RANBP17: variants seen among roughly 807,000 people sequenced by gnomAD.
The protein encoded by RANBP17 is ran-binding protein 17.
RANBP17 carries 158 observed loss-of-function variants against 141.2 expected under a neutral mutation model. The ratio of observed to expected loss-of-function variants is 1.12; its 90% confidence interval spans 0.98 to 1.28. RANBP17 has a LOEUF of 1.28. RANBP17 is among the 50% of genes most tolerant of loss of function. The pLI is 0.00. For synonymous variants in RANBP17, 430 were observed against 450.0 expected (o/e 0.96, Z 0.56); for missense variants, 1,438 against 1,290.7 (o/e 1.11, Z -1.75).
intron 12 of RANBP17, among the ~76,000 whole-genome samples, chr5:170,931,724 T>C (rs1450870303): frequency 1.3e-5 from 2 of 152,128 alleles, no homozygotes; most frequent in African/African-American, 4.8e-5. Flanking sequence ...TGTAGATGTG[T>C]GGTGTTATTT....
chr5:171,061,905 A>G (rs975306013), intron 14 of RANBP17, among the ~76,000 whole-genome samples: 3 of 152,106 alleles, frequency 2.0e-5, no homozygotes, highest in African/African-American at 7.2e-5. Context: ...TCCCTTTACC[A>G]TTATGTAATG....
At chr5:171,198,674 T>C (rs1762120195) in intron 18 of RANBP17, among the ~76,000 whole-genome samples, 1 of 152,184 alleles carries the variant, frequency 6.6e-6, no homozygotes, top group African/African-American at 2.4e-5. Context: ...ATGTTGATGC[T>C]CCCAGGTCAA....
intron 14 of RANBP17, among the ~76,000 whole-genome samples, chr5:170,988,165 A>G (rs1049467004): frequency 3.3e-5 from 5 of 151,590 alleles, no homozygotes; most frequent in African/African-American, 1.2e-4. Flanking sequence ...TAATGATTAT[A>G]AATTCTCAAT....
rs567280812 is a variant in RANBP17, at chr5:171,056,806, G to A, written c.1710+88429G>A. ...CAGGTCACCAGAAGTCATTGATTTAGCCAAATTATACCTCAAAAATTTTTT... is the reference window on the plus strand; with the variant it reads ...CAGGTCACCAGAAGTCATTGATTTAACCAAATTATACCTCAAAAATTTTTT... On this transcript the variant is annotated intron_variant, in intron 14 of 27. Coordinates refer to ENST00000523189, the MANE Select transcript of RANBP17 (RefSeq NM_022897.5). 1.5e-3 allele frequency among the ~76,000 whole-genome samples: 115 copies of A among 78,674 alleles called. 1 individual carries two copies. Among genetic ancestry groups the A allele is most frequent in the African/African-American group, 4.7e-3 (106 of 22,604 alleles). 51.6% of individuals were successfully genotyped at this position (78,674 alleles called of 152,430 possible). A position where few individuals can be genotyped will look rare whatever the true frequency, so the allele number is the denominator to read the frequency against.
chr5:171,071,653 CAAA>C (rs34555837), intron 14 of RANBP17, among the ~76,000 whole-genome samples: 16 of 69,636 alleles, frequency 2.3e-4, no homozygotes, highest in South Asian at 7.6e-4. Context: ...CAGCTTTATG[CAAA>C]AAAAAAAAAA....
intron 18 of RANBP17, among the ~76,000 whole-genome samples, chr5:171,195,672 G>A (rs1324710987): frequency 2.6e-5 from 4 of 152,168 alleles, no homozygotes; most frequent in Non-Finnish European, 4.4e-5. Flanking sequence ...CATCTCTGAT[G>A]CCTTCCACCT....
At chr5:171,052,348 C>T (rs1050151121) in intron 14 of RANBP17, among the ~76,000 whole-genome samples, 2 of 152,024 alleles carry the variant, frequency 1.3e-5, no homozygotes, top group Non-Finnish European at 2.9e-5. Context: ...GAAGATTCAT[C>T]CCTATGTTTT....
rs554988262 is a variant in RANBP17, at chr5:171,100,763, T to C, written c.1711-69367T>C. 3.0e-4 allele frequency among the ~76,000 whole-genome samples: 46 copies of C among 152,360 alleles called. 1 individual carries two copies. Among genetic ancestry groups the C allele is most frequent in the African/African-American group, 8.7e-4 (36 of 41,594 alleles). On this transcript the variant is annotated intron_variant, in intron 14 of 27. Coordinates refer to ENST00000523189, the MANE Select transcript of RANBP17 (RefSeq NM_022897.5). The stretch of plus-strand genomic sequence containing the variant: ...GTGCTATAAATTTCCCTCTAAACAC[T>C]GCGTTAGCTGTGTCCCAGAGATTCT...
At chr5:171,065,340 C>T (rs1028926880) in intron 14 of RANBP17, among the ~76,000 whole-genome samples, 1 of 152,108 alleles carries the variant, frequency 6.6e-6, no homozygotes, top group African/African-American at 2.4e-5. Context: ...TGAAACTGTT[C>T]CACCTCAGAC....
chr5:171,228,421 A>G (rs1438284046), intron 22 of RANBP17, among the ~76,000 whole-genome samples: 1 of 152,244 alleles, frequency 6.6e-6, no homozygotes, highest in East Asian at 1.9e-4. Flanking sequence ...CAGTCTCATG[A>G]TAAAACTTGA....
chr5:170,924,599 A>G (rs1009355591), intron 12 of RANBP17, 49 bp downstream of exon 12: 1 of 1,182,574 alleles, frequency 8.5e-7, no homozygotes, highest in Non-Finnish European at 1.2e-6. Context: ...ATATTAAGTA[A>G]CATCATTAAT....
intron 13 of RANBP17, among the ~76,000 whole-genome samples, chr5:170,967,730 T>G (rs897921491): frequency 2.6e-5 from 4 of 151,818 alleles, no homozygotes; most frequent in African/African-American, 4.8e-5. Context: ...AGGTAAAATT[T>G]TATTATTCAT....
At chr5:170,977,411 T>C (rs1401428878) in intron 14 of RANBP17, among the ~76,000 whole-genome samples, 4 of 152,078 alleles carry the variant, frequency 2.6e-5, no homozygotes, top group African/African-American at 9.6e-5. Flanking sequence ...CGTAAAATAT[T>C]GCAACCAATT....
At chr5:170,922,774 C>G (rs1227041656) in intron 11 of RANBP17, among the ~76,000 whole-genome samples, 2 of 152,110 alleles carry the variant, frequency 1.3e-5, no homozygotes, top group South Asian at 2.1e-4. Flanking sequence ...CTTGCGCTTC[C>G]TGGGTGAGGC....
rs1364461455 is a variant in RANBP17 at position 170,955,564 on chromosome 5, TA to T, written c.1574+1863del. Among the ~76,000 whole-genome samples, 16 of 98,968 alleles carry T rather than the reference TA, an allele frequency of 1.6e-4. 1 individual carries two copies. Among genetic ancestry groups the T allele is most frequent in the African/African-American group, 5.3e-4 (15 of 28,164 alleles). 64.9% of individuals were successfully genotyped at this position (98,968 alleles called of 152,430 possible). On this transcript the variant is annotated intron_variant, in intron 13 of 27. Transcript: ENST00000523189. Reference sequence around the variant, plus strand: ...TATATGCTCAGTCTGTGTATATATATATATGCTCAGTCTGTGTGTATATATA... The same window carrying T: ...TATATGCTCAGTCTGTGTATATATATTATGCTCAGTCTGTGTGTATATATA...
At chr5:171,206,335 T>G (rs916715797) in intron 20 of RANBP17, 3 of 156,384 alleles carry the variant, frequency 1.9e-5, no homozygotes, top group African/African-American at 7.2e-5. Context: ...TATCATGGTA[T>G]ATTGTAACCA....
At chr5:171,004,396 AAG>A (rs539163431) in intron 14 of RANBP17, among the ~76,000 whole-genome samples, 3 of 152,130 alleles carry the variant, frequency 2.0e-5, no homozygotes, top group Non-Finnish European at 2.9e-5. Context: ...GGGGATAAAA[AAG>A]AGTGCATAAA....
chr5:171,244,826 T>C (rs1765112554), intron 24 of RANBP17, among the ~76,000 whole-genome samples: 2 of 152,108 alleles, frequency 1.3e-5, no homozygotes, highest in Non-Finnish European at 2.9e-5. Flanking sequence ...ATTGATCATA[T>C]GTATAAGATT....
intron 21 of RANBP17, 122 bp downstream of exon 21, chr5:171,213,860 C>G: frequency 1.3e-6 from 1 of 744,094 alleles, no homozygotes; most frequent in Non-Finnish European, 2.4e-6. Flanking sequence ...GGAACCAAGA[C>G]TTAAGATGAT....
Sources: allele counts gnomAD v4.1 joint callset (sites outside exome capture counted in the v4.1 genomes callset), GRCh38; gene constraint gnomAD v4.1.1; transcripts MANE v1.5; gene names NCBI Gene and HGNC (gene_info 2026-07-23, HGNC 2026-07-21).